The following C6orf118 variants were observed in gnomAD, a reference collection of about 807,000 sequenced individuals.
C6orf118 encodes chromosome 6 open reading frame 118.
Under a neutral mutation model 50.2 loss-of-function variants are expected in C6orf118, and 50 were observed. The ratio of observed to expected loss-of-function variants is 1.00; its 90% CI spans 0.79 to 1.26. The LOEUF (loss-of-function observed/expected upper bound fraction) is 1.26. Among genes scored for constraint, C6orf118 ranks in the 50% most tolerant of loss-of-function variants. The pLI, the probability that C6orf118 is intolerant of heterozygous loss-of-function variation, is 0.00. For synonymous variants in C6orf118, 239 were observed against 230.9 expected, an observed-to-expected ratio of 1.03 and a Z score of -0.32; for missense variants, 641 against 578.7, an observed-to-expected ratio of 1.11 and a Z score of -1.10.
intron 1 of C6orf118, among the ~76,000 whole-genome samples, chr6:165,308,987 G>A (rs1198570733): frequency 1.3e-5 from 2 of 152,206 alleles, no homozygotes; most frequent in African/African-American, 2.4e-5. Flanking sequence ...CACATGGCGG[G>A]TGGTGGGAAA....
At chr6:165,295,355 C>T (rs893201109) in intron 5 of C6orf118, among the ~76,000 whole-genome samples, 11 of 152,026 alleles carry the variant, frequency 7.2e-5, no homozygotes, top group Non-Finnish European at 1.5e-4. Context: ...TTTTCATGTC[C>T]TGAAATGCTC....
At position 165,302,076 on chromosome 6, in the gene C6orf118, A is replaced by C. The variant is rs760065905; in HGVS notation, c.246T>G (p.Asn82Lys). 6.2e-7 allele frequency: 1 copy of C among 1,613,738 alleles called. No individual in the cohort carries two copies. The highest frequency in any genetic ancestry group is 8.5e-7 in the Non-Finnish European group (1 of 1,179,978). ...PPETILQHWP[N>K]AHRPKGERAS... is the part of the protein sequence containing the mutation. ...CGCGCTCCCCCTTGGGCCGGTGGGC[A>C]TTGGGCCAGTGCTGTAAGATCGTCT... Residue 82 changes from asparagine to lysine, a missense_variant, in exon 2 of 9, where the codon AAT becomes AAG. Coordinates refer to ENST00000230301, the MANE Select transcript of C6orf118 (RefSeq NM_144980.4).
chr6:165,299,810 A>G (rs1780450410), intron 3 of C6orf118, among the ~76,000 whole-genome samples: 1 of 152,186 alleles, frequency 6.6e-6, no homozygotes, highest in African/African-American at 2.4e-5. Context: ...TCAGCCTCTG[A>G]GTAGCTGGGA....
At chr6:165,296,078 A>G (rs188242557) in intron 5 of C6orf118, among the ~76,000 whole-genome samples, 3 of 152,014 alleles carry the variant, frequency 2.0e-5, no homozygotes, top group Non-Finnish European at 4.4e-5. Flanking sequence ...CTCTTCCATG[A>G]ACTTTTCCCA....
chr6:165,302,165 G>T lies in C6orf118; in HGVS notation c.157C>A (p.Arg53=), dbSNP rs35030648. Reference sequence around the variant, plus strand: ...GAGATGTAGAGGTAGACGTCCTCCCGGTGGTCTTTCTGAAGCCGATTCAGA... The same window carrying T: ...GAGATGTAGAGGTAGACGTCCTCCCTGTGGTCTTTCTGAAGCCGATTCAGA... ...KLLNRLQKDH[R]EDVYLYISGH... is the part of the protein sequence containing the mutation. The change falls in exon 2 of 9, where the codon CGG becomes AGG. Residue 53 remains arginine (R), a synonymous_variant. Transcript: ENST00000230301. 9 of 1,612,788 alleles carry T rather than the reference G, an allele frequency of 5.6e-6. No homozygotes were observed. Among genetic ancestry groups the T allele is most frequent in the Non-Finnish European group, 7.6e-6 (9 of 1,179,932 alleles).
chr6:165,307,160 A>G (rs1003860992), intron 1 of C6orf118, among the ~76,000 whole-genome samples: 1 of 152,114 alleles, frequency 6.6e-6, no homozygotes, highest in African/African-American at 2.4e-5. Context: ...AACATTTTTA[A>G]ACAGAGGTTT....
At chr6:165,299,186 T>G (rs114210767) in intron 4 of C6orf118, among the ~76,000 whole-genome samples, 78 of 152,340 alleles carry the variant, frequency 5.1e-4, no homozygotes, top group African/African-American at 1.8e-3. Flanking sequence ...GAACCATTTA[T>G]ATTCCCAATT....
intron 4 of C6orf118, 73 bp downstream of exon 4, chr6:165,299,370 G>T: frequency 4.3e-6 from 6 of 1,385,810 alleles, no homozygotes; most frequent in Non-Finnish European, 6.1e-6. Flanking sequence ...ATTCAGAAAG[G>T]TTTCCACTGC....
At chr6:165,291,425 T>C (rs1475919926) in intron 6 of C6orf118, among the ~76,000 whole-genome samples, 2 of 152,066 alleles carry the variant, frequency 1.3e-5, no homozygotes, top group Admixed American at 1.3e-4. Flanking sequence ...TCAAGCTGTG[T>C]TGGAAGAGGT....
intron 7 of C6orf118, among the ~76,000 whole-genome samples, chr6:165,285,948 G>A (rs948421023): frequency 6.6e-6 from 1 of 150,494 alleles, no homozygotes; most frequent in African/African-American, 2.4e-5. Context: ...AGGAAATAGA[G>A]ACACAAAAAA....
rs1400884378 is a variant in C6orf118, at chr6:165,301,586, C to T, written c.736G>A (p.Glu246Lys). Reference protein sequence around the residue: ...FTGSKAAAGHERKLQQELQKI... With the variant: ...FTGSKAAAGHKRKLQQELQKI... ...CTCCTCACCTGCTGCAGCTTTCTCT[C>T]GTGGCCCGCGGCCGCCTTGCTCCCA... The change falls in exon 2 of 9, where the codon GAG (glutamate) becomes AAG (lysine). Residue 246 changes from glutamate (E) to lysine (K), a missense_variant. Glu to Lys is a moderately conservative substitution (Grantham distance 56). Coordinates refer to ENST00000230301, the MANE Select transcript of C6orf118 (RefSeq NM_144980.4). 6.2e-7 allele frequency: 1 copy of T among 1,612,620 alleles called. No homozygotes were observed.
intron 5 of C6orf118, among the ~76,000 whole-genome samples, chr6:165,296,150 C>T (rs1280827895): frequency 6.6e-6 from 1 of 152,078 alleles, no homozygotes; most frequent in Non-Finnish European, 1.5e-5. Context: ...GGTTCACTGC[C>T]ACTGAATGTT....
intron 1 of C6orf118, among the ~76,000 whole-genome samples, chr6:165,303,494 G>A (rs997596602): frequency 6.9e-6 from 1 of 145,308 alleles, no homozygotes; most frequent in Non-Finnish European, 1.5e-5. Flanking sequence ...AGGAAATAGA[G>A]ACACAAAAAA....
chr6:165,279,966 T>A lies in C6orf118; in HGVS notation c.*91A>T, dbSNP rs939838047. 1.6e-6 allele frequency: 2 copies of A among 1,261,484 alleles called. No homozygotes were observed. Among genetic ancestry groups the A allele is most frequent in the African/African-American group, 1.5e-5 (1 of 66,040 alleles). 78.1% of individuals were successfully genotyped at this position (1,261,484 alleles called of 1,614,324 possible). The stretch of plus-strand genomic sequence containing the variant: ...ATTAAAGCTGATGAAATGAAATGTA[T>A]CTTTATGAATGTATATGCATCTGCA... On this transcript the variant is annotated 3_prime_UTR_variant, in exon 9 of 9. Coordinates refer to ENST00000230301, the MANE Select transcript of C6orf118 (RefSeq NM_144980.4).
At chr6:165,293,034 G>A (rs1780159337) in intron 6 of C6orf118, among the ~76,000 whole-genome samples, 2 of 152,146 alleles carry the variant, frequency 1.3e-5, no homozygotes, top group Admixed American at 6.6e-5. Flanking sequence ...CAAAGTTAAT[G>A]AGCAAGATAC....
At chr6:165,300,582 C>G in intron 2 of C6orf118, 96 bp from the exon 3 acceptor site, 1 of 1,246,472 alleles carries the variant, frequency 8.0e-7, no homozygotes, top group East Asian at 2.5e-5. Context: ...GCTGCCATCA[C>G]CCTGGCGAGT....
At chr6:165,283,458 C>G (rs780812996) in intron 7 of C6orf118, among the ~76,000 whole-genome samples, 1 of 152,202 alleles carries the variant, frequency 6.6e-6, no homozygotes, top group African/African-American at 2.4e-5. Flanking sequence ...CTCCCCCAAG[C>G]GCAGTGCACC....
Position 165,297,551 on chromosome 6 carries a change from A to C in C6orf118, c.1061+426T>G, listed in dbSNP as rs1009027740. On this transcript the variant is annotated intron_variant, in intron 5 of 8. Transcript: ENST00000230301. ...ATTTTGGATGTTGCAGATTTCCTTTAATCTTTTTTCAAATCATACAAAGAG... is the reference window on the plus strand; with the variant it reads ...ATTTTGGATGTTGCAGATTTCCTTTCATCTTTTTTCAAATCATACAAAGAG... Among the ~76,000 whole-genome samples, 4 of 152,246 alleles carry C rather than the reference A, an allele frequency of 2.6e-5. No homozygotes were observed. In the East Asian group the frequency reaches 7.7e-4, roughly 29 times the overall value.
At chr6:165,307,840 G>C (rs533827753) in intron 1 of C6orf118, among the ~76,000 whole-genome samples, 1 of 152,186 alleles carries the variant, frequency 6.6e-6, no homozygotes, top group Non-Finnish European at 1.5e-5. Flanking sequence ...GTCTGTCCTC[G>C]AGTCCTGGGC....
Sources: gnomAD v4.1 joint callset for allele counts (sites outside exome capture counted in the v4.1 genomes callset) on GRCh38, gnomAD v4.1.1 for gene constraint, MANE v1.5 for transcripts, NCBI Gene and HGNC (gene_info 2026-07-23, HGNC 2026-07-21) for gene names.